Variants in CIMAP3 observed in about 807,000 individuals in gnomAD.
CIMAP3 encodes the protein ciliary microtubule-associated protein 3.
the CIMAP3 span, chr1:111,349,940 C>A: frequency 3.5e-6 from 2 of 566,098 alleles, no homozygotes; most frequent in Non-Finnish European, 6.3e-6. Context: ...ACATCTAACT[C>A]GAAATACATT....
At chr1:111,327,543 T>G in the CIMAP3 span, among the ~76,000 whole-genome samples, 2 of 152,210 alleles carry the variant, frequency 1.3e-5, no homozygotes, top group Non-Finnish European at 2.9e-5. Context: ...GAGCTTGTCA[T>G]TGGCCTATTC....
chr1:111,336,975 C>G, the CIMAP3 span, among the ~76,000 whole-genome samples: 1 of 151,962 alleles, frequency 6.6e-6, no homozygotes, highest in Non-Finnish European at 1.5e-5. Context: ...CAAAGGGAAG[C>G]CCATCAGACT....
chr1:111,346,448 C>T, the CIMAP3 span: 1 of 628,024 alleles, frequency 1.6e-6, no homozygotes, highest in Non-Finnish European at 2.7e-6. Flanking sequence ...TACCCGCAGC[C>T]CAGCTACTGA....
the CIMAP3 span, chr1:111,347,608 GTT>G: frequency 1.1e-5 from 11 of 1,029,440 alleles, no homozygotes; most frequent in Non-Finnish European, 2.9e-6. Flanking sequence ...CTGACTATGC[GTT>G]GTTTTTTCTT....
At chr1:111,346,700 T>C in the CIMAP3 span, 2 of 1,606,814 alleles carry the variant, frequency 1.2e-6, no homozygotes, top group Non-Finnish European at 1.7e-6. Context: ...AAGCCTAGAG[T>C]AGAGGGCAGG....
the CIMAP3 span, among the ~76,000 whole-genome samples, chr1:111,344,126 T>G: frequency 6.6e-6 from 1 of 152,238 alleles, no homozygotes. Flanking sequence ...GAAAAAAATG[T>G]AAAAATTAGT....
At chr1:111,343,592 G>C in the CIMAP3 span, among the ~76,000 whole-genome samples, 3 of 152,188 alleles carry the variant, frequency 2.0e-5, no homozygotes, top group African/African-American at 4.8e-5. Flanking sequence ...TTCAAAAACT[G>C]GCCTTTTGGC....
chr1:111,346,425 C>T, the CIMAP3 span: 45 of 544,120 alleles, frequency 8.3e-5, no homozygotes, highest in Non-Finnish European at 1.2e-4. Flanking sequence ...AGCCGCGAAT[C>T]CAGGAAACCC....
the CIMAP3 span, chr1:111,324,772 T>C: frequency 1.0e-6 from 1 of 985,426 alleles, no homozygotes. Flanking sequence ...GGACCTGTTC[T>C]TGCCCAGAAC....
chr1:111,334,221 A>G, the CIMAP3 span, among the ~76,000 whole-genome samples: 2 of 152,204 alleles, frequency 1.3e-5, no homozygotes, highest in African/African-American at 4.8e-5. Context: ...TAAAATATAT[A>G]TGTTTAACGA....
At chr1:111,334,125 G>A in the CIMAP3 span, among the ~76,000 whole-genome samples, 1 of 152,224 alleles carries the variant, frequency 6.6e-6, no homozygotes, top group South Asian at 2.1e-4. Flanking sequence ...TTGAAAATAT[G>A]GTAATCCTTT....
the CIMAP3 span, chr1:111,346,691 A>G: frequency 3.1e-6 from 5 of 1,611,424 alleles, no homozygotes; most frequent in Non-Finnish European, 4.2e-6. Context: ...GCTGCCGAGA[A>G]GCCTAGAGTA....
the CIMAP3 span, among the ~76,000 whole-genome samples, chr1:111,327,943 G>C: frequency 4.6e-5 from 7 of 151,806 alleles, no homozygotes; most frequent in African/African-American, 1.7e-4. Context: ...TGTGAAGTTA[G>C]GTTAATTTGA....
chr1:111,326,471 G>A, the CIMAP3 span, among the ~76,000 whole-genome samples: 1,208 of 152,156 alleles, frequency 7.9e-3, 16 homozygotes, highest in African/African-American at 0.027. Flanking sequence ...TACAAGTGAC[G>A]TGATTTCACT....
chr1:111,341,216 G>A, the CIMAP3 span, among the ~76,000 whole-genome samples: 2 of 150,622 alleles, frequency 1.3e-5, no homozygotes, highest in South Asian at 4.2e-4. Context: ...GTGGGGTGGG[G>A]GGAAGGGGGG....
At chr1:111,328,041 G>A in the CIMAP3 span, among the ~76,000 whole-genome samples, 1 of 152,100 alleles carries the variant, frequency 6.6e-6, no homozygotes, top group Non-Finnish European at 1.5e-5. Context: ...ATTCTGGTAT[G>A]TTGTTATCTT....
chr1:111,332,057 A>G, the CIMAP3 span, among the ~76,000 whole-genome samples: 8 of 152,258 alleles, frequency 5.3e-5, no homozygotes, highest in South Asian at 1.7e-3. Context: ...TGGGCTCACT[A>G]AGCTGTTTTT....
At chr1:111,346,591 A>T in the CIMAP3 span, 1 of 1,608,308 alleles carries the variant, frequency 6.2e-7, no homozygotes, top group Non-Finnish European at 8.5e-7. Context: ...GCTGGGAATC[A>T]CGGGACTAGC....
the CIMAP3 span, chr1:111,346,811 C>T: frequency 2.5e-6 from 4 of 1,575,652 alleles, no homozygotes; most frequent in African/African-American, 2.7e-5. Context: ...ACGGTTGGGC[C>T]CTGTCCTCTG....
Sources: gnomAD v4.1 joint callset for allele counts (sites outside exome capture counted in the v4.1 genomes callset) on GRCh38, gnomAD v4.1.1 for gene constraint, MANE v1.5 for transcripts, NCBI Gene and HGNC (gene_info 2026-07-23, HGNC 2026-07-21) for gene names.